ITPK1: variants seen among roughly 807,000 people sequenced by gnomAD.
ITPK1 encodes the protein inositol-tetrakisphosphate 1-kinase.
ITPK1 carries 21 observed loss-of-function variants against 45.3 expected under a neutral mutation model. The observed-to-expected ratio is 0.46, with a 90% confidence interval of 0.33 to 0.67. The LOEUF is 0.67. ITPK1 is among the 30% of genes least tolerant of loss of function. ITPK1 has a pLI of 0.02. For synonymous variants in ITPK1, 258 were observed against 253.6 expected, an observed-to-expected ratio of 1.02 and a Z score of -0.16; for missense variants, 474 against 573.5, an observed-to-expected ratio of 0.83 and a Z score of 1.77.
In ITPK1 at chr14:93,113,272, C is replaced by T. The variant is rs115275126; in HGVS notation, c.95+1797G>A. On this transcript the variant is annotated intron_variant, in intron 2 of 10. Transcript: ENST00000267615. The stretch of plus-strand genomic sequence containing the variant: ...ATAGCATAGCTTGCTCTGAACCTCC[C>T]ACCCCTTTAAAGGAAGAATGTCTAC... Among the ~76,000 whole-genome samples the T allele has an allele frequency of 7.0e-3, 1,059 of 152,306 alleles. 19 individuals carry two copies. The highest frequency in any genetic ancestry group is 0.024 in the African/African-American group (1,009 of 41,546).
rs1889134073 is a variant in ITPK1 at position 93,032,762 on chromosome 14, C to T, written c.121-15961G>A. ...ATGTCCACCCAGCTCTGGCTGTGAC[C>T]CTGGTGAGTTGCTGGGACTCACGAA... On this transcript the variant is annotated intron_variant, in intron 3 of 10. Coordinates refer to ENST00000267615, the MANE Select transcript of ITPK1 (RefSeq NM_014216.6). The surrounding 1 kb of genome is among the most constrained non-coding windows in gnomAD (Gnocchi z 4.0). Among the ~76,000 whole-genome samples the T allele has an allele frequency of 6.6e-6, 1 of 152,188 alleles. No homozygotes were observed. The highest frequency in any genetic ancestry group is 6.5e-5 in the Admixed American group (1 of 15,276).
At chr14:93,025,756 G>C (rs1457278828) in intron 3 of ITPK1, among the ~76,000 whole-genome samples, 2 of 151,944 alleles carry the variant, frequency 1.3e-5, no homozygotes, top group East Asian at 3.8e-4. Context: ...ATACCAATAA[G>C]ATCTAGGTCC....
chr14:92,965,942 G>C (rs546490429), intron 5 of ITPK1, among the ~76,000 whole-genome samples: 4 of 152,342 alleles, frequency 2.6e-5, no homozygotes, highest in African/African-American at 9.6e-5. Flanking sequence ...GGTGGAGGTT[G>C]ACGTGAGCCA....
At chr14:93,002,676 T>C (rs375006556) in intron 4 of ITPK1, among the ~76,000 whole-genome samples, 25 of 151,922 alleles carry the variant, frequency 1.6e-4, no homozygotes, top group Admixed American at 4.6e-4. Flanking sequence ...AGAAAAAAAA[T>C]AGTAGATCCA....
intron 2 of ITPK1, among the ~76,000 whole-genome samples, chr14:93,098,892 C>A (rs1018120506): frequency 6.6e-6 from 1 of 152,172 alleles, no homozygotes; most frequent in Non-Finnish European, 1.5e-5. Context: ...AGGCCCGGGG[C>A]AAGGGGCTCT....
chr14:93,060,428 G>C (rs1239355168), intron 3 of ITPK1, among the ~76,000 whole-genome samples: 1 of 152,178 alleles, frequency 6.6e-6, no homozygotes, highest in Non-Finnish European at 1.5e-5. Flanking sequence ...CCACAGAGAC[G>C]AGCACAGAAC....
At chr14:92,992,512 C>A (rs759680072) in intron 5 of ITPK1, among the ~76,000 whole-genome samples, 1 of 152,244 alleles carries the variant, frequency 6.6e-6, no homozygotes, top group Non-Finnish European at 1.5e-5. Context: ...CAGCATGACA[C>A]CCCCATTCTC....
At chr14:92,972,880 C>T (rs117494848) in intron 5 of ITPK1, among the ~76,000 whole-genome samples, 9,824 of 152,284 alleles carry the variant, frequency 0.065, 389 homozygotes, top group East Asian at 0.2. Flanking sequence ...CATGAGCCAC[C>T]GCGCCCAACT....
chr14:93,006,441 C>T (rs1402319854), intron 4 of ITPK1, among the ~76,000 whole-genome samples: 1 of 152,204 alleles, frequency 6.6e-6, no homozygotes, highest in Non-Finnish European at 1.5e-5. Context: ...CTGTGTGGGG[C>T]GGAGCAGGGC....
intron 3 of ITPK1, among the ~76,000 whole-genome samples, chr14:93,044,118 G>A (rs2139916631): frequency 6.6e-6 from 1 of 152,250 alleles, no homozygotes; most frequent in South Asian, 2.1e-4. Flanking sequence ...GGTGAGGAGG[G>A]GGTCCTAGGA....
At chr14:93,011,238 G>C (rs981254949) in intron 4 of ITPK1, among the ~76,000 whole-genome samples, 2 of 152,214 alleles carry the variant, frequency 1.3e-5, no homozygotes, top group Admixed American at 6.5e-5. Flanking sequence ...CTGCAAAGCT[G>C]TAGTTAACCC....
intron 8 of ITPK1, among the ~76,000 whole-genome samples, chr14:92,955,364 G>C (rs1354807318): frequency 6.6e-6 from 1 of 152,200 alleles, no homozygotes; most frequent in Non-Finnish European, 1.5e-5. Flanking sequence ...GAGAAACAAG[G>C]CTCAAGCTGG....
chr14:92,993,244 G>A (rs1340180334), intron 5 of ITPK1, among the ~76,000 whole-genome samples: 4 of 152,240 alleles, frequency 2.6e-5, no homozygotes, highest in Admixed American at 2.6e-4. Flanking sequence ...GGACTAAGCA[G>A]TGAACTAGGA....
intron 3 of ITPK1, among the ~76,000 whole-genome samples, chr14:93,055,410 C>T (rs1349146992): frequency 6.6e-6 from 1 of 152,104 alleles, no homozygotes; most frequent in Admixed American, 6.5e-5. Flanking sequence ...GCCCTCAGCC[C>T]CTTACTCTCC....
At chr14:93,108,511 A>T (rs1892613973) in intron 2 of ITPK1, among the ~76,000 whole-genome samples, 1 of 152,224 alleles carries the variant, frequency 6.6e-6, no homozygotes. Context: ...ATGCAGGTGC[A>T]CCCAGCTCTT....
intron 10 of ITPK1, 73 bp from the exon 11 acceptor site, chr14:92,941,977 G>A: frequency 7.5e-7 from 1 of 1,337,638 alleles, no homozygotes; most frequent in Non-Finnish European, 1.0e-6. Context: ...AGGAGGAGGA[G>A]GCAGAACCGA....
intron 7 of ITPK1, among the ~76,000 whole-genome samples, chr14:92,961,530 C>T (rs566929177): frequency 2.7e-4 from 41 of 152,350 alleles, no homozygotes; most frequent in African/African-American, 4.6e-4. Flanking sequence ...CTCCCTGGCC[C>T]GTCTCAATTC....
At chr14:92,982,112 C>A (rs1886264317) in intron 5 of ITPK1, among the ~76,000 whole-genome samples, 1 of 152,202 alleles carries the variant, frequency 6.6e-6, no homozygotes, top group African/African-American at 2.4e-5. Flanking sequence ...TGGAGAGATG[C>A]AATGATAGCA....
chr14:93,063,507 G>C lies in ITPK1; in HGVS notation c.120+13088C>G, dbSNP rs1347102063. Among the ~76,000 whole-genome samples the C allele has an allele frequency of 6.6e-6, 1 of 152,334 alleles. No homozygotes were observed. Among genetic ancestry groups the C allele is most frequent in the Admixed American group, 6.5e-5 (1 of 15,304 alleles). ...ACCCACGCTTCTCCTACGAGGGCCTGAGTTTTAGAAGGCCTTCTCACTTGC... is the reference window on the plus strand; with the variant it reads ...ACCCACGCTTCTCCTACGAGGGCCTCAGTTTTAGAAGGCCTTCTCACTTGC... On this transcript the variant is annotated intron_variant, in intron 3 of 10. Coordinates refer to ENST00000267615, the MANE Select transcript of ITPK1 (RefSeq NM_014216.6). The surrounding 1 kb of genome is among the most constrained non-coding windows in gnomAD (Gnocchi z 4.3).
Sources: allele counts gnomAD v4.1 joint callset (sites outside exome capture counted in the v4.1 genomes callset), GRCh38; gene constraint gnomAD v4.1.1; non-coding constraint Gnocchi (gnomAD v3.1); transcripts MANE v1.5; gene names NCBI Gene and HGNC (gene_info 2026-07-23, HGNC 2026-07-21).